Variants in MPDZ observed in about 807,000 individuals in gnomAD.
MPDZ encodes the protein multiple PDZ domain protein.
Under a neutral mutation model 239.1 loss-of-function variants are expected in MPDZ, and 234 were observed. The observed-to-expected ratio is 0.98, with a 90% CI of 0.88 to 1.09. The LOEUF is 1.09. MPDZ is among the 50% of genes least tolerant of loss of function. The pLI is 0.00. For synonymous variants in MPDZ, 1,048 were observed against 881.3 expected (o/e 1.19, Z -3.35); for missense variants, 3,175 against 2,510.0 (o/e 1.26, Z -5.66).
intron 26 of MPDZ, among the ~76,000 whole-genome samples, chr9:13,145,467 T>C (rs969019913): frequency 6.6e-6 from 1 of 151,998 alleles, no homozygotes; most frequent in Non-Finnish European, 1.5e-5. Context: ...AGCTTATGTT[T>C]AAGATTTCCT....
At chr9:13,126,897 TTAAATC>T in intron 32 of MPDZ, 125 bp from the exon 33 acceptor site, 1 of 708,694 alleles carries the variant, frequency 1.4e-6, no homozygotes, top group Non-Finnish European at 2.3e-6. Context: ...ACCTTAGACT[TTAAATC>T]TAAGATCTTA....
chr9:13,151,439 A>T (rs1455031689), intron 24 of MPDZ, among the ~76,000 whole-genome samples: 1 of 152,146 alleles, frequency 6.6e-6, no homozygotes, highest in East Asian at 1.9e-4. Flanking sequence ...ATATACATTC[A>T]ATATTATTCA....
chr9:13,274,245 G>C (rs1973661184), intron 1 of MPDZ, among the ~76,000 whole-genome samples: 1 of 149,488 alleles, frequency 6.7e-6, no homozygotes. Flanking sequence ...ACAACATTAA[G>C]TTTTTTCTTA....
intron 38 of MPDZ, among the ~76,000 whole-genome samples, chr9:13,121,193 T>C (rs1362625697): frequency 6.6e-6 from 1 of 152,162 alleles, no homozygotes; most frequent in Non-Finnish European, 1.5e-5. Context: ...CTCTGATCCT[T>C]CTCCCTACAA....
At chr9:13,238,288 C>A (rs1333297442) in intron 3 of MPDZ, among the ~76,000 whole-genome samples, 2 of 152,124 alleles carry the variant, frequency 1.3e-5, no homozygotes, top group African/African-American at 4.8e-5. Flanking sequence ...AAGGAGCAGA[C>A]AAGATGGCAA....
intron 39 of MPDZ, 85 bp from the exon 40 acceptor site, chr9:13,115,419 G>C: frequency 8.5e-7 from 1 of 1,170,822 alleles, no homozygotes; most frequent in East Asian, 2.5e-5. Flanking sequence ...TACTCTTCAA[G>C]ACTTTTTTGA....
intron 27 of MPDZ, 128 bp downstream of exon 27, chr9:13,143,336 CTT>C: frequency 1.5e-6 from 1 of 681,850 alleles, no homozygotes; most frequent in East Asian, 2.6e-5. Context: ...CTCCAAACAG[CTT>C]TGTTTTTTTG....
intron 17 of MPDZ, among the ~76,000 whole-genome samples, chr9:13,187,074 T>C (rs1269337344): frequency 1.3e-5 from 2 of 152,156 alleles, no homozygotes; most frequent in Non-Finnish European, 2.9e-5. Context: ...TGGGCTAAAA[T>C]ATTTAGATAA....
intron 21 of MPDZ, among the ~76,000 whole-genome samples, chr9:13,169,839 T>A (rs902709121): frequency 6.6e-6 from 1 of 152,192 alleles, no homozygotes; most frequent in Non-Finnish European, 1.5e-5. Flanking sequence ...TAGCCACAAA[T>A]GCATCTCGTC....
chr9:13,125,718 T>C (rs1429232429), intron 34 of MPDZ, among the ~76,000 whole-genome samples: 3 of 152,188 alleles, frequency 2.0e-5, no homozygotes, highest in Non-Finnish European at 2.9e-5. Flanking sequence ...TTAGAAGATA[T>C]ATGGGTTATT....
rs1554669676 is a variant in MPDZ at position 13,160,869 on chromosome 9, T to TATATATATATATAA, written c.3359+1821_3359+1822insTTATATATATATAT. Among the ~76,000 whole-genome samples the TATATATATATATAA allele has an allele frequency of 3.8e-4, 49 of 127,786 alleles. 1 individual carries two copies. Among genetic ancestry groups the TATATATATATATAA allele is most frequent in the South Asian group, 1.0e-3 (4 of 3,814 alleles). The allele number at this position is 127,786 out of a possible 152,430, so 83.8% of individuals were successfully genotyped here. A position where few individuals can be genotyped will look rare whatever the true frequency, so the allele number is the denominator to read the frequency against. ...ATATATATATATATATATATATATA[T>TATATATATATATAA]AAAACAGGTACTTACATAGCTTTTA... On this transcript the variant is annotated intron_variant, in intron 23 of 46. Coordinates refer to ENST00000319217, the MANE Select transcript of MPDZ (RefSeq NM_001378778.1).
intron 26 of MPDZ, among the ~76,000 whole-genome samples, chr9:13,144,743 G>A (rs114880949): frequency 2.5e-3 from 384 of 152,122 alleles, no homozygotes; most frequent in African/African-American, 8.6e-3. Context: ...AGGGAAGACA[G>A]GAAAAAGAAA....
rs74400166 is a variant in MPDZ, at chr9:13,271,876, G to C, written c.-58+7524C>G. On this transcript the variant is annotated intron_variant, in intron 1 of 46. Transcript: ENST00000319217. ...ATCCCAAAATAATCACATAGTGAAA[G>C]AAGTCAGACAAAAGAGAACATACTG... is the stretch of plus-strand genomic sequence containing the variant. 2.0e-3 allele frequency among the ~76,000 whole-genome samples: 300 copies of C among 152,238 alleles called. 1 individual carries two copies. The highest frequency in any genetic ancestry group is 3.3e-3 in the Non-Finnish European group (226 of 68,014).
In MPDZ at chr9:13,279,263, A is replaced by ACCCCCG. The variant is rs1306373701; in HGVS notation, c.-58+136_-58+137insCGGGGG. ...CGCCGCCACCCCTACCCCCACCCCC[A>ACCCCCG]CCCCCACCCCCATCCCCGCCCCCAC... On this transcript the variant is annotated intron_variant, in intron 1 of 46. Coordinates refer to ENST00000319217, the MANE Select transcript of MPDZ (RefSeq NM_001378778.1). The ACCCCCG allele has an allele frequency of 1.0e-3, 36 of 34,434 alleles. 1 individual carries two copies. The highest frequency in any genetic ancestry group is 3.4e-3 in the African/African-American group (30 of 8,708). 2.1% of individuals were successfully genotyped at this position (34,434 alleles called of 1,614,324 possible).
intron 1 of MPDZ, among the ~76,000 whole-genome samples, chr9:13,259,701 C>G (rs949527676): frequency 6.6e-6 from 1 of 152,062 alleles, no homozygotes; most frequent in Admixed American, 6.6e-5. Flanking sequence ...CTTCTGAGCA[C>G]TGCATGTAGT....
At chr9:13,150,414 T>C (rs546248571) in intron 25 of MPDZ, 97 bp downstream of exon 25, 13 of 963,710 alleles carry the variant, frequency 1.3e-5, no homozygotes, top group Non-Finnish European at 1.8e-5. Flanking sequence ...TTAGCACATG[T>C]ACCCTAAAAC....
rs572651917 is a variant in MPDZ at position 13,241,526 on chromosome 9, AG to A, written c.183+6108del. 3.9e-5 allele frequency among the ~76,000 whole-genome samples: 6 copies of A among 152,332 alleles called. No homozygotes were observed. The South Asian group carries it at 1.2e-3, about 32-fold the overall frequency. On this transcript the variant is annotated intron_variant, in intron 3 of 46. Coordinates refer to ENST00000319217, the MANE Select transcript of MPDZ (RefSeq NM_001378778.1). ...TCCCCTTTACTGATAGCAAGCATAT[AG>A]GTGAATCATCCTCCTTTCGGTCTCA... is the stretch of plus-strand genomic sequence containing the variant.
chr9:13,224,066 CA>C (rs1959731726), intron 4 of MPDZ, among the ~76,000 whole-genome samples: 1 of 151,460 alleles, frequency 6.6e-6, no homozygotes, highest in African/African-American at 2.4e-5. Flanking sequence ...ACTGCAGTAA[CA>C]GTCATCTTAT....
chr9:13,244,425 A>G (rs745587709), intron 3 of MPDZ, among the ~76,000 whole-genome samples: 2 of 152,178 alleles, frequency 1.3e-5, no homozygotes, highest in Admixed American at 6.5e-5. Context: ...ACACAGTCAC[A>G]GTTCTTTTTT....
Sources: gnomAD v4.1 joint callset for allele counts (sites outside exome capture counted in the v4.1 genomes callset) on GRCh38, gnomAD v4.1.1 for gene constraint, MANE v1.5 for transcripts, NCBI Gene and HGNC (gene_info 2026-07-23, HGNC 2026-07-21) for gene names.